OPCML: variants seen among roughly 807,000 people sequenced by gnomAD.
OPCML encodes opioid-binding protein/cell adhesion molecule.
OPCML carries 13 observed loss-of-function variants against 37.8 expected under a neutral mutation model. The ratio of observed to expected loss-of-function variants is 0.34; its 90% CI spans 0.22 to 0.55. The LOEUF is 0.55. Ranked by LOEUF, OPCML falls within the 20% of genes least tolerant of loss-of-function variation. OPCML has a pLI of 0.91. For synonymous variants in OPCML, 176 were observed against 168.8 expected, an observed-to-expected ratio of 1.04 and a Z score of -0.33; for missense variants, 341 against 435.6, an observed-to-expected ratio of 0.78 and a Z score of 1.93.
chr11:132,652,361 C>CACACACACAA (rs1224440029), intron 3 of OPCML, among the ~76,000 whole-genome samples: 2 of 150,084 alleles, frequency 1.3e-5, no homozygotes, highest in Non-Finnish European at 3.0e-5. Context: ...CACACACACA[C>CACACACACAA]ACACACACAC....
chr11:132,743,998 C>A (rs943807315), intron 2 of OPCML, among the ~76,000 whole-genome samples: 5 of 152,210 alleles, frequency 3.3e-5, no homozygotes, highest in African/African-American at 9.6e-5. Flanking sequence ...GTCATGCGTA[C>A]CTACTCTAAT....
intron 2 of OPCML, among the ~76,000 whole-genome samples, chr11:132,823,019 G>A (rs994885561): frequency 2.0e-5 from 3 of 152,200 alleles, no homozygotes; most frequent in Non-Finnish European, 4.4e-5. Flanking sequence ...AACAATATAT[G>A]TAAGTGGTAA....
chr11:132,601,964 C>A (rs1358078603), intron 3 of OPCML, among the ~76,000 whole-genome samples: 1 of 152,178 alleles, frequency 6.6e-6, no homozygotes, highest in Non-Finnish European at 1.5e-5. Context: ...ATATTCCATG[C>A]ATTCTCTATT....
intron 1 of OPCML, among the ~76,000 whole-genome samples, chr11:133,045,833 G>A (rs1007024206): frequency 6.6e-6 from 1 of 152,212 alleles, no homozygotes; most frequent in African/African-American, 2.4e-5. Flanking sequence ...AGCCTGCCAA[G>A]GGAAGGCTTC....
chr11:132,704,629 A>G (rs1327823607), intron 2 of OPCML, among the ~76,000 whole-genome samples: 2 of 152,226 alleles, frequency 1.3e-5, no homozygotes, highest in East Asian at 3.8e-4. Flanking sequence ...TAGAAACTCT[A>G]AAATAAACAA....
At chr11:133,162,264 T>C (rs1238482169) in intron 1 of OPCML, among the ~76,000 whole-genome samples, 2 of 152,148 alleles carry the variant, frequency 1.3e-5, no homozygotes, top group Non-Finnish European at 1.5e-5. Flanking sequence ...AAATGGGCGA[T>C]ATCCTTTGAG....
In OPCML at chr11:133,446,462, C is replaced by T. The variant is rs577318169; in HGVS notation, c.61+85802G>A. On this transcript the variant is annotated intron_variant, in intron 1 of 7. Transcript: ENST00000524381. ...TTTTTAGAGTCAGGGTCTTGCTCTG[C>T]TGCCTGGGCTGTAGTGTGGTGGTGT... Among the ~76,000 whole-genome samples, 9 of 152,222 alleles carry T rather than the reference C, an allele frequency of 5.9e-5. No individual in the cohort carries two copies. In the East Asian group the frequency reaches 1.5e-3, roughly 26 times the overall value.
intron 1 of OPCML, chr11:133,064,872 A>C (rs1021662679): frequency 6.6e-6 from 1 of 152,260 alleles, no homozygotes; most frequent in Non-Finnish European, 1.5e-5. Flanking sequence ...GGTCCCTGAC[A>C]CGGAGCTTAC....
intron 4 of OPCML, among the ~76,000 whole-genome samples, chr11:132,482,507 A>G (rs566220722): frequency 1.3e-5 from 2 of 152,362 alleles, no homozygotes; most frequent in African/African-American, 2.4e-5. Flanking sequence ...AGGAACTGGT[A>G]CCATTCCTTC....
intron 2 of OPCML, among the ~76,000 whole-genome samples, chr11:132,862,367 G>A (rs2136362823): frequency 6.6e-6 from 1 of 151,698 alleles, no homozygotes; most frequent in South Asian, 2.1e-4. Context: ...ATATTCCAAT[G>A]TACAGTATCT....
intron 1 of OPCML, among the ~76,000 whole-genome samples, chr11:133,104,123 G>C (rs1949123663): frequency 1.3e-5 from 2 of 152,248 alleles, no homozygotes; most frequent in Admixed American, 1.3e-4. Flanking sequence ...CCATTAGACA[G>C]CTCCACATGT....
chr11:132,786,374 G>A (rs555155908), intron 2 of OPCML, among the ~76,000 whole-genome samples: 24 of 152,120 alleles, frequency 1.6e-4, no homozygotes, highest in South Asian at 1.0e-3. Flanking sequence ...AAACTAAAAC[G>A]AAAAGAAATG....
At position 132,608,249 on chromosome 11, in the gene OPCML, C is replaced by T. The variant is rs189132328; in HGVS notation, c.379+48838G>A. On this transcript the variant is annotated intron_variant, in intron 3 of 7. Transcript: ENST00000524381. ...GCTCAAATGAATTCTATGTGCTTGA[C>T]TGCTGTAAGCCATTATGGATCCCTG... is the stretch of plus-strand genomic sequence containing the variant. 2.2e-3 allele frequency among the ~76,000 whole-genome samples: 338 copies of T among 152,316 alleles called. 1 individual carries two copies. The highest frequency in any genetic ancestry group is 3.2e-3 in the Admixed American group (49 of 15,300).
Position 132,609,931 on chromosome 11 carries a change from G to A in OPCML, c.379+47156C>T, listed in dbSNP as rs149297415. ...ATAAAGGAAAAATAAAATATCAATCGCAGAAGTTATTCTTTTCCTTGTACT... is the reference window on the plus strand; with the variant it reads ...ATAAAGGAAAAATAAAATATCAATCACAGAAGTTATTCTTTTCCTTGTACT... On this transcript the variant is annotated intron_variant, in intron 3 of 7. Coordinates refer to ENST00000524381, the MANE Select transcript of OPCML (RefSeq NM_001012393.5). Among the ~76,000 whole-genome samples the A allele has an allele frequency of 6.9e-3, 1,047 of 152,202 alleles. 54 individuals are homozygous for A. The highest frequency in any genetic ancestry group is 0.063 in the Admixed American group (957 of 15,272).
At chr11:132,702,163 C>T (rs2135925549) in intron 2 of OPCML, among the ~76,000 whole-genome samples, 1 of 152,276 alleles carries the variant, frequency 6.6e-6, no homozygotes, top group East Asian at 1.9e-4. Flanking sequence ...GTGACTTTTA[C>T]ATTGCACATA....
At chr11:133,340,310 G>C (rs550995337) in intron 1 of OPCML, among the ~76,000 whole-genome samples, 2 of 152,292 alleles carry the variant, frequency 1.3e-5, no homozygotes, top group Non-Finnish European at 2.9e-5. Context: ...GACCAGTTGT[G>C]ATTAGAAATG....
chr11:133,452,412 A>G (rs1016274084), intron 1 of OPCML, among the ~76,000 whole-genome samples: 1 of 151,408 alleles, frequency 6.6e-6, no homozygotes, highest in African/African-American at 2.5e-5. Flanking sequence ...AATTAAAAAT[A>G]TCATATAAAA....
At chr11:132,983,770 A>G (rs569060428) in intron 1 of OPCML, among the ~76,000 whole-genome samples, 3 of 152,370 alleles carry the variant, frequency 2.0e-5, no homozygotes, top group South Asian at 4.1e-4. Flanking sequence ...AAATAAAAAT[A>G]TCAGCACATC....
chr11:133,431,434 C>T (rs1476967672), intron 1 of OPCML, among the ~76,000 whole-genome samples: 3 of 151,850 alleles, frequency 2.0e-5, no homozygotes, highest in Non-Finnish European at 4.4e-5. Context: ...CAATAAATAC[C>T]ATATGTATTG....
Sources: allele counts gnomAD v4.1 joint callset (sites outside exome capture counted in the v4.1 genomes callset), GRCh38; gene constraint gnomAD v4.1.1; transcripts MANE v1.5; gene names NCBI Gene and HGNC (gene_info 2026-07-23, HGNC 2026-07-21).